Variants in CRADD observed in about 807,000 individuals in gnomAD.
CRADD encodes death domain-containing protein CRADD.
A neutral mutation model predicts 15.5 loss-of-function variants in CRADD; 9 were observed. That is an observed-to-expected ratio of 0.58 (90% CI 0.35 to 1.01). The LOEUF is 1.01. CRADD is among the 50% of genes least tolerant of loss of function. The pLI is 0.02. For synonymous variants in CRADD, 118 were observed against 107.6 expected, an observed-to-expected ratio of 1.10 and a Z score of -0.60; for missense variants, 227 against 250.3, an observed-to-expected ratio of 0.91 and a Z score of 0.63.
chr12:93,890,662 G>GA (rs1958569747), intron 2 of CRADD, among the ~76,000 whole-genome samples: 1 of 152,084 alleles, frequency 6.6e-6, no homozygotes, highest in Non-Finnish European at 1.5e-5. Context: ...TTCTCAACCA[G>GA]AAAATTTTTC....
chr12:93,847,664 A>T (rs1180536624), intron 2 of CRADD, among the ~76,000 whole-genome samples: 3 of 152,166 alleles, frequency 2.0e-5, no homozygotes, highest in African/African-American at 7.2e-5. Flanking sequence ...CCACCTTAGG[A>T]CTAAACAATG....
chr12:93,807,217 C>T (rs1957549455), intron 2 of CRADD, among the ~76,000 whole-genome samples: 1 of 152,144 alleles, frequency 6.6e-6, no homozygotes, highest in East Asian at 1.9e-4. Flanking sequence ...GAAACTGTCC[C>T]TGCTCTAGTA....
At chr12:93,765,679 T>C (rs1174611528) in intron 2 of CRADD, among the ~76,000 whole-genome samples, 1 of 152,170 alleles carries the variant, frequency 6.6e-6, no homozygotes, top group Admixed American at 6.5e-5. Flanking sequence ...GGTAACAAGA[T>C]GCTAGACTGA....
At chr12:93,864,507 T>G (rs1396139752) in intron 2 of CRADD, among the ~76,000 whole-genome samples, 2 of 152,218 alleles carry the variant, frequency 1.3e-5, no homozygotes, top group Non-Finnish European at 2.9e-5. Flanking sequence ...ATTTATTTTG[T>G]TTAAAGTAGT....
intron 2 of CRADD, among the ~76,000 whole-genome samples, chr12:93,702,393 T>A (rs1955859122): frequency 6.6e-6 from 1 of 151,950 alleles, no homozygotes; most frequent in Non-Finnish European, 1.5e-5. Flanking sequence ...TCCAGGGTGT[T>A]GACATCATTA....
At chr12:93,845,685 A>G (rs779079152) in intron 2 of CRADD, among the ~76,000 whole-genome samples, 4 of 152,170 alleles carry the variant, frequency 2.6e-5, no homozygotes, top group Non-Finnish European at 4.4e-5. Flanking sequence ...CAAGTATTTT[A>G]TGCTATAGAA....
At chr12:93,712,190 C>T (rs527750367) in intron 2 of CRADD, among the ~76,000 whole-genome samples, 3 of 152,208 alleles carry the variant, frequency 2.0e-5, no homozygotes, top group Non-Finnish European at 2.9e-5. Context: ...GTACATACTT[C>T]GTAGAGTTGT....
At chr12:93,857,001 G>A (rs1958280139) in intron 2 of CRADD, among the ~76,000 whole-genome samples, 1 of 152,122 alleles carries the variant, frequency 6.6e-6, no homozygotes, top group Non-Finnish European at 1.5e-5. Flanking sequence ...GAAAATTAAA[G>A]TCTCACAAAG....
intron 2 of CRADD, among the ~76,000 whole-genome samples, chr12:93,834,276 C>G (rs2137032899): frequency 6.6e-6 from 1 of 152,278 alleles, no homozygotes; most frequent in South Asian, 2.1e-4. Flanking sequence ...TATGGACTTC[C>G]TTTCTGCCAT....
chr12:93,830,532 G>A (rs1039852421), intron 2 of CRADD, among the ~76,000 whole-genome samples: 2 of 152,258 alleles, frequency 1.3e-5, no homozygotes, highest in African/African-American at 2.4e-5. Flanking sequence ...ACAGAATCTG[G>A]AAAACTGTTT....
At chr12:93,782,391 T>C (rs577832348) in intron 2 of CRADD, among the ~76,000 whole-genome samples, 14 of 151,874 alleles carry the variant, frequency 9.2e-5, no homozygotes, top group African/African-American at 3.1e-4. Context: ...CACTTAATGC[T>C]AAATGAGGAG....
At chr12:93,729,611 C>T (rs1956428481) in intron 2 of CRADD, among the ~76,000 whole-genome samples, 1 of 151,930 alleles carries the variant, frequency 6.6e-6, no homozygotes. Context: ...CATGGAGAAA[C>T]CCCATCTCTA....
chr12:93,829,060 G>A (rs1957858657), intron 2 of CRADD, among the ~76,000 whole-genome samples: 1 of 151,412 alleles, frequency 6.6e-6, no homozygotes, highest in African/African-American at 2.4e-5. Flanking sequence ...AGTGTTATTT[G>A]ATGCCAAAGG....
chr12:93,769,594 A>G (rs899627193), intron 2 of CRADD, among the ~76,000 whole-genome samples: 1 of 152,230 alleles, frequency 6.6e-6, no homozygotes, highest in Non-Finnish European at 1.5e-5. Flanking sequence ...GGTTGCACAA[A>G]TCTACAATCC....
chr12:93,844,496 C>T (rs1022726026), intron 2 of CRADD, among the ~76,000 whole-genome samples: 1 of 152,056 alleles, frequency 6.6e-6, no homozygotes, highest in Non-Finnish European at 1.5e-5. Context: ...ACCTTTGCTC[C>T]GGCCTGTGTC....
chr12:93,809,537 C>T (rs190433652), intron 2 of CRADD, among the ~76,000 whole-genome samples: 17 of 152,246 alleles, frequency 1.1e-4, no homozygotes, highest in African/African-American at 4.1e-4. Context: ...TCACAAAATC[C>T]CTTCCTTCTG....
intron 2 of CRADD, among the ~76,000 whole-genome samples, chr12:93,702,589 G>A (rs1429599755): frequency 1.3e-5 from 2 of 150,900 alleles, no homozygotes; most frequent in African/African-American, 2.4e-5. Flanking sequence ...GTGGCATTAC[G>A]AGATATAATG....
At chr12:93,854,754 C>T (rs1958257605), downstream of CRADD, among the ~76,000 whole-genome samples, 1 of 152,188 alleles carries the variant, frequency 6.6e-6, no homozygotes, top group Non-Finnish European at 1.5e-5. Context: ...ACTACCTGCT[C>T]AGCCACATAC....
chr12:93,784,386 G>A (rs532068931), intron 2 of CRADD, among the ~76,000 whole-genome samples: 22 of 152,140 alleles, frequency 1.4e-4, no homozygotes, highest in Admixed American at 2.6e-4. Context: ...TGAGGTGGCC[G>A]CAGCACAGAG....
Sources: allele counts gnomAD v4.1 joint callset (sites outside exome capture counted in the v4.1 genomes callset), GRCh38; gene constraint gnomAD v4.1.1; transcripts MANE v1.5; gene names NCBI Gene and HGNC (gene_info 2026-07-23, HGNC 2026-07-21).